The following EPB41L2 variants were observed in gnomAD, a reference collection of about 807,000 sequenced individuals.
EPB41L2 encodes the protein erythrocyte membrane protein band 4.1 like 2.
A neutral mutation model predicts 113.0 loss-of-function variants in EPB41L2; 43 were observed. That is an observed-to-expected ratio of 0.38 (90% CI 0.30 to 0.49). The LOEUF (loss-of-function observed/expected upper bound fraction) is 0.49. EPB41L2 is among the 20% of genes least tolerant of loss of function. The probability of loss-of-function intolerance (pLI) is 0.95; values close to 1 mark genes in which losing one functional copy is unlikely to be tolerated. For synonymous variants in EPB41L2, 442 were observed against 436.7 expected, an observed-to-expected ratio of 1.01 and a Z score of -0.15; for missense variants, 1,147 against 1,223.4, an observed-to-expected ratio of 0.94 and a Z score of 0.93.
At position 130,955,058 on chromosome 6, in the gene EPB41L2, C is replaced by G. The variant is rs747322333; in HGVS notation, c.705+47G>C. 3.3e-6 allele frequency: 5 copies of G among 1,534,616 alleles called. No homozygotes were observed. The African/African-American group carries it at 5.5e-5, about 17-fold the overall frequency. ...ACAAAAATCTATTCATCATGCCATG[C>G]CACAATCCACATATCAAGCTAGCTC... On this transcript the variant is annotated intron_variant, in intron 3 of 19. Transcript: ENST00000337057.
chr6:130,932,720 T>C (rs1400476823), intron 3 of EPB41L2, among the ~76,000 whole-genome samples: 1 of 152,238 alleles, frequency 6.6e-6, no homozygotes, highest in East Asian at 1.9e-4. Flanking sequence ...TACTTTCAGA[T>C]ACTGAGTTCT....
chr6:130,954,040 C>CTTTTTT lies in EPB41L2; in HGVS notation c.705+1059_705+1064dup, dbSNP rs780758511. Among the ~76,000 whole-genome samples the CTTTTTT allele has an allele frequency of 9.9e-3, 583 of 58,864 alleles. 83 individuals are homozygous for CTTTTTT. Among genetic ancestry groups the CTTTTTT allele is most frequent in the Middle Eastern group, 0.015 (1 of 68 alleles). The allele number at this position is 58,864 out of a possible 152,430, so 38.6% of individuals were successfully genotyped here. On this transcript the variant is annotated intron_variant, in intron 3 of 19. Coordinates refer to ENST00000337057, the MANE Select transcript of EPB41L2 (RefSeq NM_001431.4). ...TCCTCTTTTGCTAGTCCTTTTCTTT[C>CTTTTTT]TTTTTTTTTTTTTTTTTTTTTTTTT... is the stretch of plus-strand genomic sequence containing the variant.
chr6:130,973,209 G>A (rs1469000007), intron 1 of EPB41L2, among the ~76,000 whole-genome samples: 2 of 151,802 alleles, frequency 1.3e-5, no homozygotes, highest in Admixed American at 1.3e-4. Context: ...TTTTATTTTG[G>A]TAAAAGTTTC....
rs754046934 is a variant in EPB41L2 at position 130,869,751 on chromosome 6, C to G, written c.2419G>C (p.Val807Leu). 4.3e-6 allele frequency: 7 copies of G among 1,614,206 alleles called. No individual in the cohort carries two copies. Among genetic ancestry groups the G allele is most frequent in the Non-Finnish European group, 5.9e-6 (7 of 1,180,040 alleles). Residue 807 changes from valine (V) to leucine (L), a missense_variant, in exon 15 of 20, where the codon GTA (valine) becomes CTA (leucine). Physicochemically the swap from Val to Leu is conservative, Grantham distance 32 (BLOSUM62 1). Transcript: ENST00000337057. ...ASPVTQAGAS[V>L]ITVETVIQEN... ...TGGATCACTGTTTCTACTGTGATTA[C>G]ACTGGCACCTGCTTGTGTGACTGGG...
intron 19 of EPB41L2, among the ~76,000 whole-genome samples, chr6:130,856,888 A>AT (rs1194417820): frequency 0.024 from 3,569 of 149,754 alleles, 149 homozygotes; most frequent in African/African-American, 0.081. Flanking sequence ...GATTATTTCA[A>AT]TTTTTTTTTT....
intron 12 of EPB41L2, among the ~76,000 whole-genome samples, chr6:130,883,615 G>T (rs572432325): frequency 3.8e-4 from 58 of 152,238 alleles, no homozygotes; most frequent in African/African-American, 1.3e-3. Context: ...AGTTAACTAG[G>T]CAAAATGGAA....
At chr6:130,965,657 AAAAAG>A (rs1257655458) in intron 1 of EPB41L2, among the ~76,000 whole-genome samples, 2 of 151,970 alleles carry the variant, frequency 1.3e-5, no homozygotes, top group East Asian at 1.9e-4. Context: ...AAAAAAAAAA[AAAAAG>A]AAAGAAAGAA....
chr6:131,014,917 A>G (rs1787841153), intron 1 of EPB41L2, among the ~76,000 whole-genome samples: 1 of 152,220 alleles, frequency 6.6e-6, no homozygotes, highest in Non-Finnish European at 1.5e-5. Flanking sequence ...AAAGCAAACC[A>G]AGGAATTCAA....
intron 12 of EPB41L2, chr6:130,882,600 A>C (rs577319018): frequency 6.5e-6 from 1 of 152,822 alleles, no homozygotes; most frequent in Non-Finnish European, 1.5e-5. Flanking sequence ...GCCTCCAGAT[A>C]GCAGAGGGAT....
At chr6:130,913,833 T>C (rs1800143158) in intron 4 of EPB41L2, among the ~76,000 whole-genome samples, 1 of 152,152 alleles carries the variant, frequency 6.6e-6, no homozygotes, top group Non-Finnish European at 1.5e-5. Flanking sequence ...AATTAATTTC[T>C]TGGTTTGACA....
chr6:131,034,537 A>G (rs1792908510), intron 1 of EPB41L2, among the ~76,000 whole-genome samples: 1 of 152,202 alleles, frequency 6.6e-6, no homozygotes, highest in Non-Finnish European at 1.5e-5. Context: ...GTGTCAAAAA[A>G]AGAAATGAAG....
intron 1 of EPB41L2, among the ~76,000 whole-genome samples, chr6:131,025,649 C>G (rs1310160584): frequency 1.3e-5 from 2 of 152,200 alleles, no homozygotes; most frequent in Non-Finnish European, 2.9e-5. Flanking sequence ...TTCTTTAAAA[C>G]ACATTTGTCC....
At chr6:130,885,015 A>G in intron 12 of EPB41L2, 81 bp downstream of exon 12, 1 of 1,494,802 alleles carries the variant, frequency 6.7e-7, no homozygotes, top group East Asian at 2.3e-5. Context: ...TAAATACTTG[A>G]TTTCTGAAAC....
chr6:131,043,343 C>T (rs1279067122), intron 1 of EPB41L2, among the ~76,000 whole-genome samples: 1 of 151,854 alleles, frequency 6.6e-6, no homozygotes, highest in Non-Finnish European at 1.5e-5. Context: ...TCCAAACATC[C>T]TTACATTTAG....
At chr6:130,991,130 A>G (rs1459199955) in intron 1 of EPB41L2, among the ~76,000 whole-genome samples, 3 of 152,164 alleles carry the variant, frequency 2.0e-5, no homozygotes, top group Non-Finnish European at 4.4e-5. Context: ...ACCAAACAGT[A>G]CAATCTTGGT....
intron 1 of EPB41L2, among the ~76,000 whole-genome samples, chr6:130,972,867 G>A (rs1038875429): frequency 6.7e-6 from 1 of 149,270 alleles, no homozygotes; most frequent in African/African-American, 2.5e-5. Context: ...GCCAAGGTGG[G>A]TGGATCACGA....
chr6:130,898,713 A>G (rs187673397), intron 8 of EPB41L2, among the ~76,000 whole-genome samples: 125 of 152,262 alleles, frequency 8.2e-4, no homozygotes, highest in Middle Eastern at 3.4e-3. Flanking sequence ...TGCAAAAAAA[A>G]TGTATGTTAC....
At chr6:131,013,407 T>C (rs1787501445) in intron 1 of EPB41L2, among the ~76,000 whole-genome samples, 1 of 152,304 alleles carries the variant, frequency 6.6e-6, no homozygotes, top group Non-Finnish European at 1.5e-5. Flanking sequence ...TATCACATTA[T>C]TTCCCACTTG....
intron 6 of EPB41L2, 109 bp downstream of exon 6, chr6:130,904,356 G>A (rs1262240290): frequency 4.5e-6 from 3 of 663,352 alleles, no homozygotes; most frequent in Non-Finnish European, 7.3e-6. Context: ...TAAAACTTAA[G>A]AAAAACTGTT....
Sources: gnomAD v4.1 joint callset for allele counts (sites outside exome capture counted in the v4.1 genomes callset) on GRCh38, gnomAD v4.1.1 for gene constraint, MANE v1.5 for transcripts, NCBI Gene and HGNC (gene_info 2026-07-23, HGNC 2026-07-21) for gene names.